DNAJC3: variants seen among roughly 807,000 people sequenced by gnomAD.
The protein encoded by DNAJC3 is DnaJ heat shock protein family (Hsp40) member C3.
In DNAJC3, 38 loss-of-function variants were observed where a neutral mutation model predicts 68.6. The observed-to-expected ratio is 0.55, with a 90% CI of 0.43 to 0.73. The LOEUF is 0.73. Among genes scored for constraint, DNAJC3 ranks in the 30% least tolerant of loss-of-function variants. The pLI, the probability that DNAJC3 is intolerant of heterozygous loss-of-function variation, is 0.00. For missense variants in DNAJC3, 526 were observed against 591.9 expected, an observed-to-expected ratio of 0.89 and a Z score of 1.16; for synonymous variants, 203 against 204.0, an observed-to-expected ratio of 1.00 and a Z score of 0.04.
At chr13:95,758,147 G>A (rs1177754956) in intron 5 of DNAJC3, among the ~76,000 whole-genome samples, 1 of 152,122 alleles carries the variant, frequency 6.6e-6, no homozygotes, top group Non-Finnish European at 1.5e-5. Context: ...ATGTTCGGGA[G>A]GAAAGAGGAA....
intron 4 of DNAJC3, among the ~76,000 whole-genome samples, chr13:95,753,470 CTA>C (rs1265436277): frequency 1.1e-4 from 16 of 152,010 alleles, no homozygotes; most frequent in Non-Finnish European, 2.4e-4. Flanking sequence ...ACATATTTTT[CTA>C]TGTTATCAAA....
intron 1 of DNAJC3, among the ~76,000 whole-genome samples, chr13:95,691,523 T>A (rs1030057773): frequency 2.8e-5 from 4 of 145,256 alleles, no homozygotes; most frequent in Admixed American, 6.9e-5. Flanking sequence ...CACTCCTCAC[T>A]TCCTAGATGG....
intron 4 of DNAJC3, among the ~76,000 whole-genome samples, chr13:95,735,179 C>G (rs1329431994): frequency 7.0e-6 from 1 of 143,258 alleles, no homozygotes; most frequent in Non-Finnish European, 1.5e-5. Flanking sequence ...CATAGTATTC[C>G]ATGGTGTATA....
intron 9 of DNAJC3, among the ~76,000 whole-genome samples, chr13:95,776,759 A>G (rs1446523864): frequency 1.3e-5 from 2 of 152,218 alleles, no homozygotes; most frequent in East Asian, 1.9e-4. Flanking sequence ...CCACCTCTTA[A>G]TAATTTGTTG....
chr13:95,750,421 T>A lies in DNAJC3; in HGVS notation c.394-7223T>A, dbSNP rs549338108. Among the ~76,000 whole-genome samples the A allele has an allele frequency of 2.0e-5, 3 of 152,294 alleles. No homozygotes were observed. In the East Asian group the frequency reaches 5.8e-4, roughly 29 times the overall value. On this transcript the variant is annotated intron_variant, in intron 4 of 11. Transcript: ENST00000602402. Reference sequence around the variant, plus strand: ...AATAAGTGTTTTCTGCTGTCATGATTGATCTCCATCGTCATCTATAGCATG... The same window carrying A: ...AATAAGTGTTTTCTGCTGTCATGATAGATCTCCATCGTCATCTATAGCATG...
At chr13:95,698,101 C>CT (rs60644597) in intron 1 of DNAJC3, among the ~76,000 whole-genome samples, 13 of 149,696 alleles carry the variant, frequency 8.7e-5, no homozygotes, top group East Asian at 2.0e-4. Flanking sequence ...ATTTAAATGG[C>CT]TTTTTTTTTT....
intron 2 of DNAJC3, among the ~76,000 whole-genome samples, chr13:95,715,387 T>C (rs577478821): frequency 6.6e-6 from 1 of 152,156 alleles, no homozygotes; most frequent in Non-Finnish European, 1.5e-5. Flanking sequence ...GACAACAGAG[T>C]GAAACCCTGT....
chr13:95,769,995 G>A (rs1458270227), intron 9 of DNAJC3, among the ~76,000 whole-genome samples: 1 of 152,206 alleles, frequency 6.6e-6, no homozygotes, highest in African/African-American at 2.4e-5. Context: ...AAAGCTTAAA[G>A]TGTTGGAAGT....
At chr13:95,771,187 A>G (rs1246500500) in intron 9 of DNAJC3, among the ~76,000 whole-genome samples, 2 of 152,188 alleles carry the variant, frequency 1.3e-5, no homozygotes, top group African/African-American at 4.8e-5. Context: ...GAATTTGTTT[A>G]CTGTCTTACA....
At chr13:95,713,002 C>G (rs2139630732) in intron 2 of DNAJC3, among the ~76,000 whole-genome samples, 1 of 152,090 alleles carries the variant, frequency 6.6e-6, no homozygotes. Flanking sequence ...GGGACTTTTC[C>G]CCCTTTTGCT....
chr13:95,709,596 C>G (rs1280462872), intron 2 of DNAJC3, among the ~76,000 whole-genome samples: 1 of 150,012 alleles, frequency 6.7e-6, no homozygotes, highest in Non-Finnish European at 1.5e-5. Context: ...TTCTGACAAA[C>G]AGCTTTTCTC....
intron 4 of DNAJC3, among the ~76,000 whole-genome samples, chr13:95,739,386 G>T (rs1420436476): frequency 1.3e-5 from 2 of 150,748 alleles, no homozygotes; most frequent in African/African-American, 4.9e-5. Context: ...GCTAGATTGG[G>T]GAAGTTCTCC....
chr13:95,689,133 T>C (rs949790837), intron 1 of DNAJC3, among the ~76,000 whole-genome samples: 8 of 137,546 alleles, frequency 5.8e-5, no homozygotes, highest in Non-Finnish European at 1.1e-4. Context: ...TCCTCTTTGA[T>C]TTTTTTTTTT....
intron 2 of DNAJC3, among the ~76,000 whole-genome samples, chr13:95,722,815 G>GCCCCC (rs759729876): frequency 1.3e-4 from 2 of 15,324 alleles, no homozygotes; most frequent in African/African-American, 3.9e-4. Context: ...CACCTTGTCC[G>GCCCCC]CCCCCCCCCC....
chr13:95,691,792 T>C, intron 1 of DNAJC3, among the ~76,000 whole-genome samples: 1 of 152,226 alleles, frequency 6.6e-6, no homozygotes, highest in Non-Finnish European at 1.5e-5. Context: ...CGAGACTCCC[T>C]CTGCAATCCC....
chr13:95,756,499 A>C (rs896584406), intron 4 of DNAJC3, among the ~76,000 whole-genome samples: 1 of 152,078 alleles, frequency 6.6e-6, no homozygotes, highest in Non-Finnish European at 1.5e-5. Flanking sequence ...AAAATGGACA[A>C]GTATAAAACC....
chr13:95,696,821 C>T (rs571538372), intron 1 of DNAJC3, among the ~76,000 whole-genome samples: 1 of 152,180 alleles, frequency 6.6e-6, no homozygotes, highest in East Asian at 1.9e-4. Context: ...TCTCGGCTCA[C>T]TGCAAGCTCT....
intron 1 of DNAJC3, among the ~76,000 whole-genome samples, chr13:95,681,441 C>T (rs1467095680): frequency 1.3e-5 from 2 of 152,158 alleles, no homozygotes. Context: ...GGCTTGACCT[C>T]CTGGGCTCAA....
intron 9 of DNAJC3, among the ~76,000 whole-genome samples, chr13:95,764,371 CTCTCTATATATA>C (rs1290764264): frequency 7.5e-6 from 1 of 132,728 alleles, no homozygotes; most frequent in African/African-American, 3.4e-5. Flanking sequence ...CTCTCTCTCT[CTCTCTATATATA>C]TATATATATA....
Sources: allele counts gnomAD v4.1 joint callset (sites outside exome capture counted in the v4.1 genomes callset), GRCh38; gene constraint gnomAD v4.1.1; transcripts MANE v1.5; gene names NCBI Gene and HGNC (gene_info 2026-07-23, HGNC 2026-07-21).